LYRM9: variants seen among roughly 807,000 people sequenced by gnomAD.
LYRM9 encodes the protein LYR motif containing 9.
LYRM9 carries 14 observed loss-of-function variants against 12.6 expected under a neutral mutation model. The ratio of observed to expected loss-of-function variants is 1.11; its 90% CI spans 0.73 to 1.73. The LOEUF is 1.73. Among genes scored for constraint, LYRM9 ranks in the 40% most tolerant of loss-of-function variants. The pLI is 0.00. For synonymous variants in LYRM9, 42 were observed against 35.1 expected (o/e 1.20, Z -0.69); for missense variants, 94 against 95.0 (o/e 0.99, Z 0.04).
chr17:27,892,317 A>C (rs1905483672), intron 1 of LYRM9: 1 of 431,844 alleles, frequency 2.3e-6, no homozygotes, highest in South Asian at 1.7e-5. Flanking sequence ...ATACTGTATT[A>C]GTTCAACACC....
intron 2 of LYRM9, 136 bp from the exon 3 acceptor site, chr17:27,880,502 T>A (rs758268313): frequency 3.3e-5 from 21 of 632,364 alleles, no homozygotes; most frequent in Non-Finnish European, 5.0e-5. Context: ...TAGACTGTTA[T>A]GATTATCCCA....
chr17:27,880,248 GCAGAGCC>G lies in LYRM9; in HGVS notation c.219+19_219+25del. 1 of 1,562,380 alleles carries G rather than the reference GCAGAGCC, an allele frequency of 6.4e-7. No individual in the cohort carries two copies. Among genetic ancestry groups the G allele is most frequent in the Non-Finnish European group, 8.8e-7 (1 of 1,142,488 alleles). On this transcript the variant is annotated intron_variant, in intron 3 of 3. Coordinates refer to ENST00000379102, the MANE Select transcript of LYRM9 (RefSeq NM_001076680.3). ...CAGCCATCATCACCCCAGCTCGCAG[GCAGAGCC>G]CAGGGGCCAAGCACCTACTTTGTTC...
At chr17:27,883,134 G>C in intron 1 of LYRM9, 1 of 401,932 alleles carries the variant, frequency 2.5e-6, no homozygotes, top group Non-Finnish European at 5.2e-6. Flanking sequence ...CCTGAGCCTT[G>C]AAATTCAAAG....
In LYRM9 at chr17:27,880,425, A is replaced by G; in HGVS notation, c.127-59T>C. 3.1e-6 allele frequency: 4 copies of G among 1,308,240 alleles called. 1 individual carries two copies. In the South Asian group the frequency reaches 5.1e-5, roughly 17 times the overall value. The allele number at this position is 1,308,240 out of a possible 1,614,324, so 81.0% of individuals were successfully genotyped here. A position where few individuals can be genotyped will look rare whatever the true frequency, so the allele number is the denominator to read the frequency against. On this transcript the variant is annotated intron_variant, in intron 2 of 3. Transcript: ENST00000379102. ...CAAAATTCCCAGGACAGGCAGCTTC[A>G]GAGCACCAATCACAGGCCAGGGACA...
At chr17:27,883,967 C>T (rs767417473) in intron 1 of LYRM9, among the ~76,000 whole-genome samples, 2 of 151,204 alleles carry the variant, frequency 1.3e-5, no homozygotes, top group South Asian at 2.1e-4. Flanking sequence ...GAGAAGCCAC[C>T]GTCATAATCA....
At chr17:27,887,713 G>GGAGGGTGTGTGT (rs1485417792) in intron 1 of LYRM9, among the ~76,000 whole-genome samples, 7 of 86,828 alleles carry the variant, frequency 8.1e-5, no homozygotes, top group African/African-American at 2.0e-4. Context: ...TAGGAGGGAG[G>GGAGGGTGTGTGT]GTGTGTGTGT....
In LYRM9 at chr17:27,882,582, T is replaced by A; in HGVS notation, c.113A>T (p.His38Leu). The A allele has an allele frequency of 6.3e-7, 1 of 1,593,302 alleles. No individual in the cohort carries two copies. The highest frequency in any genetic ancestry group is 8.5e-7 in the Non-Finnish European group (1 of 1,170,952). Residue 38 changes from histidine (H) to leucine (L), a missense_variant, in exon 2 of 4, where the codon CAT becomes CTT. Physicochemically the swap from His to Leu is moderately conservative, Grantham distance 99. Coordinates refer to ENST00000379102, the MANE Select transcript of LYRM9 (RefSeq NM_001076680.3). ...GCCAGCTCGCACCTGCCTGACAGCA[T>A]GCTTGTAATGCTGCTGGATGCCCTT... ...PTKGIQQHYK[H>L]AVRQSFRVHS...
chr17:27,892,113 A>G (rs1052232465), intron 1 of LYRM9: 1 of 172,808 alleles, frequency 5.8e-6, no homozygotes, highest in Non-Finnish European at 1.2e-5. Context: ...AATTATTTAT[A>G]GAAACGAAGT....
intron 2 of LYRM9, chr17:27,880,739 C>A (rs1474595467): frequency 7.0e-6 from 2 of 285,842 alleles, no homozygotes; most frequent in African/African-American, 2.2e-5. Flanking sequence ...AGGGTGAGAT[C>A]TCTGCATAGG....
intron 3 of LYRM9, 30 bp downstream of exon 3, chr17:27,880,244 G>A (rs764977174): frequency 2.1e-5 from 33 of 1,540,000 alleles, no homozygotes; most frequent in African/African-American, 5.4e-5. Flanking sequence ...ACCCCAGCTC[G>A]CAGGCAGAGC....
At position 27,882,728 on chromosome 17, in the gene LYRM9, G is replaced by A. The variant is rs775796416; in HGVS notation, c.-18-16C>T. On this transcript the variant is annotated splice_polypyrimidine_tract_variant and intron_variant, in intron 1 of 3. Transcript: ENST00000379102. ...CCCTCTGTCCCTGGAAAACAAGCAG[G>A]ATCACTTCCAGGGCATCAAGCCAAG... is the stretch of plus-strand genomic sequence containing the variant. 1 of 1,569,478 alleles carries A rather than the reference G, an allele frequency of 6.4e-7. No individual in the cohort carries two copies. The highest frequency in any genetic ancestry group is 1.2e-5 in the South Asian group (1 of 83,418).
chr17:27,887,933 C>T (rs946652483), intron 1 of LYRM9, among the ~76,000 whole-genome samples: 1 of 152,158 alleles, frequency 6.6e-6, no homozygotes, highest in Non-Finnish European at 1.5e-5. Context: ...AATTCTCTTA[C>T]TCAGGGGAGG....
chr17:27,893,341 C>A lies in LYRM9; in HGVS notation c.-43G>T, dbSNP rs1182352657. ...CCAGCCTCCAGGGGAACGCCAGCCC[C>A]GGACGCCGCCGCGGCGACGAGTGCG... On this transcript the variant is annotated 5_prime_UTR_variant, in exon 1 of 4. Coordinates refer to ENST00000379102, the MANE Select transcript of LYRM9 (RefSeq NM_001076680.3). 1 of 152,098 alleles carries A rather than the reference C, an allele frequency of 6.6e-6. No homozygotes were observed. The highest frequency in any genetic ancestry group is 1.5e-5 in the Non-Finnish European group (1 of 67,970). The allele number at this position is 152,098 out of a possible 1,614,324, so 9.4% of individuals were successfully genotyped here.
chr17:27,885,382 G>A (rs1905199444), intron 1 of LYRM9, among the ~76,000 whole-genome samples: 1 of 152,126 alleles, frequency 6.6e-6, no homozygotes, highest in African/African-American at 2.4e-5. Flanking sequence ...ATAGCAGAAG[G>A]CAGAGCTGAG....
At chr17:27,887,427 T>C (rs1475075435) in intron 1 of LYRM9, among the ~76,000 whole-genome samples, 1 of 152,158 alleles carries the variant, frequency 6.6e-6, no homozygotes, top group African/African-American at 2.4e-5. Context: ...CCGGCAAAAA[T>C]CATGAGGGTC....
chr17:27,888,877 T>G (rs1356115890), intron 1 of LYRM9, among the ~76,000 whole-genome samples: 1 of 152,082 alleles, frequency 6.6e-6, no homozygotes, highest in East Asian at 1.9e-4. Flanking sequence ...CCTCCAGTTC[T>G]GAGTTAAAAT....
chr17:27,890,781 AT>A (rs1905412502), intron 1 of LYRM9, among the ~76,000 whole-genome samples: 1 of 152,222 alleles, frequency 6.6e-6, no homozygotes, highest in East Asian at 1.9e-4. Context: ...TGCACAGGCC[AT>A]TTTTTAAATA....
At chr17:27,889,554 T>C (rs187612780) in intron 1 of LYRM9, among the ~76,000 whole-genome samples, 96 of 152,214 alleles carry the variant, frequency 6.3e-4, no homozygotes, top group Admixed American at 3.0e-3. Flanking sequence ...CCACCTGCCT[T>C]GGCCTCCCAA....
rs1392393654 is a variant in LYRM9, at chr17:27,879,171, T to C, written c.*302A>G. On this transcript the variant is annotated 3_prime_UTR_variant, in exon 4 of 4. Coordinates refer to ENST00000379102, the MANE Select transcript of LYRM9 (RefSeq NM_001076680.3). ...ATGATAAAGAGATCTCCAGAATAAA[T>C]GAATCACTTTCAGAGAAAAGTAAAA... The C allele has an allele frequency of 6.1e-6, 2 of 326,084 alleles. No individual in the cohort carries two copies. The highest frequency in any genetic ancestry group is 4.4e-5 in the African/African-American group (2 of 45,642). 20.2% of individuals were successfully genotyped at this position (326,084 alleles called of 1,614,324 possible).
Sources: allele counts gnomAD v4.1 joint callset (sites outside exome capture counted in the v4.1 genomes callset), GRCh38; gene constraint gnomAD v4.1.1; transcripts MANE v1.5; gene names NCBI Gene and HGNC (gene_info 2026-07-23, HGNC 2026-07-21).